Variants in VPS13B observed in about 807,000 individuals in gnomAD.
VPS13B encodes intermembrane lipid transfer protein VPS13B.
VPS13B carries 285 observed loss-of-function variants against 426.4 expected under a neutral mutation model. That is an observed-to-expected ratio of 0.67 (90% CI 0.61 to 0.74). The LOEUF (loss-of-function observed/expected upper bound fraction) is 0.74. Ranked by LOEUF, VPS13B falls within the 30% of genes least tolerant of loss-of-function variation. The probability of loss-of-function intolerance (pLI) is 0.00; values close to 1 mark genes in which losing one functional copy is unlikely to be tolerated. For missense variants in VPS13B, 4,537 were observed against 4,782.6 expected, an observed-to-expected ratio of 0.95 and a Z score of 1.51; for synonymous variants, 1,676 against 1,676.4, an observed-to-expected ratio of 1.00 and a Z score of 0.01.
intron 17 of VPS13B, among the ~76,000 whole-genome samples, chr8:99,227,907 A>G (rs1343495065): frequency 6.6e-6 from 1 of 152,142 alleles, no homozygotes; most frequent in Non-Finnish European, 1.5e-5. Context: ...TTGTAACACT[A>G]TGCTGCTGAC....
intron 21 of VPS13B, among the ~76,000 whole-genome samples, chr8:99,425,910 G>GTTTTTAA (rs1464745998): frequency 6.6e-6 from 1 of 151,876 alleles, no homozygotes; most frequent in African/African-American, 2.4e-5. Context: ...TTTGTTTTTT[G>GTTTTTAA]TTTTTAATTT....
chr8:99,740,514 A>G (rs971691934), intron 39 of VPS13B, among the ~76,000 whole-genome samples: 3 of 152,228 alleles, frequency 2.0e-5, no homozygotes, highest in Non-Finnish European at 2.9e-5. Context: ...TCCAAGACAC[A>G]TAATTGTCAG....
chr8:99,238,897 G>C (rs1193794741), intron 17 of VPS13B, among the ~76,000 whole-genome samples: 1 of 151,436 alleles, frequency 6.6e-6, no homozygotes, highest in Admixed American at 6.6e-5. Context: ...ATCTTACAAG[G>C]GAAGGGAAAA....
intron 3 of VPS13B, among the ~76,000 whole-genome samples, chr8:99,086,401 C>T (rs1055906742): frequency 5.3e-5 from 8 of 152,048 alleles, no homozygotes; most frequent in Non-Finnish European, 1.0e-4. Context: ...GCCATTGGTT[C>T]GAACTTCCTC....
chr8:99,152,180 G>A (rs1377993376), intron 14 of VPS13B, among the ~76,000 whole-genome samples: 1 of 152,028 alleles, frequency 6.6e-6, no homozygotes, highest in Non-Finnish European at 1.5e-5. Flanking sequence ...TGCTTTCACT[G>A]CATGCTACAA....
intron 30 of VPS13B, among the ~76,000 whole-genome samples, chr8:99,548,254 T>G (rs1824094087): frequency 6.6e-6 from 1 of 152,092 alleles, no homozygotes; most frequent in Non-Finnish European, 1.5e-5. Flanking sequence ...TATACTTTCA[T>G]TTTTGGCATT....
At position 99,210,521 on chromosome 8, in the gene VPS13B, A is replaced by T. The variant is rs552915785; in HGVS notation, c.2515+17464A>T. Among the ~76,000 whole-genome samples, 90 of 152,306 alleles carry T rather than the reference A, an allele frequency of 5.9e-4. 1 individual carries two copies. The highest frequency in any genetic ancestry group is 3.4e-3 in the Middle Eastern group (1 of 294). On this transcript the variant is annotated intron_variant, in intron 17 of 61. Transcript: ENST00000357162. ...CTCACATTTGGTGCCATTGTGTTAG[A>T]CATAGAACATTCTCGAAACTATATT... is the stretch of plus-strand genomic sequence containing the variant.
chr8:99,870,967 G>C, intron 60 of VPS13B, 80 bp downstream of exon 60: 1 of 1,432,426 alleles, frequency 7.0e-7, no homozygotes, highest in Non-Finnish European at 9.7e-7. Flanking sequence ...AAGCTAATGG[G>C]CCATGCTTCC....
intron 10 of VPS13B, 55 bp downstream of exon 10, chr8:99,135,192 T>C: frequency 1.2e-6 from 2 of 1,606,540 alleles, no homozygotes; most frequent in South Asian, 1.1e-5. Context: ...AATTAAGTGC[T>C]TACTGAAGTG....
intron 3 of VPS13B, among the ~76,000 whole-genome samples, chr8:99,092,407 T>C (rs990306702): frequency 2.6e-5 from 4 of 152,178 alleles, no homozygotes; most frequent in African/African-American, 9.7e-5. Flanking sequence ...ATATTTTAGC[T>C]GGTATTTTTG....
intron 17 of VPS13B, among the ~76,000 whole-genome samples, chr8:99,257,057 T>G (rs1481301170): frequency 6.6e-6 from 1 of 152,152 alleles, no homozygotes; most frequent in East Asian, 1.9e-4. Flanking sequence ...AAAAGACATA[T>G]GAATCAAAGT....
chr8:99,471,325 G>A (rs1588414771), intron 24 of VPS13B, among the ~76,000 whole-genome samples: 1 of 152,098 alleles, frequency 6.6e-6, no homozygotes, highest in Non-Finnish European at 1.5e-5. Context: ...GGTTTTTTCA[G>A]TGTATGTAGA....
At chr8:99,667,541 T>C (rs1830536680) in intron 35 of VPS13B, among the ~76,000 whole-genome samples, 1 of 152,190 alleles carries the variant, frequency 6.6e-6, no homozygotes, top group Admixed American at 6.5e-5. Flanking sequence ...AAATGATATA[T>C]CAGCTGTGTG....
At chr8:99,672,391 ATTG>A (rs1487985782) in intron 35 of VPS13B, among the ~76,000 whole-genome samples, 1 of 152,006 alleles carries the variant, frequency 6.6e-6, no homozygotes, top group African/African-American at 2.4e-5. Flanking sequence ...ATGAAATGAG[ATTG>A]TTTTCTTAGT....
At chr8:99,284,841 G>A (rs879663240) in intron 19 of VPS13B, among the ~76,000 whole-genome samples, 9 of 152,254 alleles carry the variant, frequency 5.9e-5, no homozygotes, top group Middle Eastern at 3.4e-3. Flanking sequence ...GCTTATAGGC[G>A]TGAGCCACAG....
chr8:99,051,971 C>A (rs1187132523), intron 3 of VPS13B, among the ~76,000 whole-genome samples: 1 of 152,216 alleles, frequency 6.6e-6, no homozygotes, highest in Admixed American at 6.5e-5. Flanking sequence ...TCATGTCATC[C>A]ACAAACAGGG....
chr8:99,769,046 T>C lies in VPS13B; in HGVS notation c.7247+2076T>C, dbSNP rs576453728. Among the ~76,000 whole-genome samples the C allele has an allele frequency of 2.6e-5, 4 of 152,296 alleles. No homozygotes were observed. In the South Asian group the frequency reaches 8.3e-4, roughly 32 times the overall value. ...TCTGAAACATTTATAAAAATTACTT[T>C]TGTGGTAAGCTTAGCAGTATAGAAA... On this transcript the variant is annotated intron_variant, in intron 40 of 61. Coordinates refer to ENST00000357162, the MANE Select transcript of VPS13B (RefSeq NM_152564.5).
intron 31 of VPS13B, among the ~76,000 whole-genome samples, chr8:99,569,660 C>G (rs1421062514): frequency 6.6e-6 from 1 of 152,148 alleles, no homozygotes; most frequent in Non-Finnish European, 1.5e-5. Flanking sequence ...GGCAGAAGAA[C>G]CTTAGTGTAA....
chr8:99,745,612 T>C (rs776400302), intron 39 of VPS13B, among the ~76,000 whole-genome samples: 1 of 152,096 alleles, frequency 6.6e-6, no homozygotes, highest in Non-Finnish European at 1.5e-5. Flanking sequence ...AGTTCAATAC[T>C]ATCTGCAGTT....
Sources: gnomAD v4.1 joint callset for allele counts (sites outside exome capture counted in the v4.1 genomes callset) on GRCh38, gnomAD v4.1.1 for gene constraint, MANE v1.5 for transcripts, NCBI Gene and HGNC (gene_info 2026-07-23, HGNC 2026-07-21) for gene names.